ARID1B: variants seen among roughly 807,000 people sequenced by gnomAD.
ARID1B encodes AT-rich interactive domain-containing protein 1B.
In ARID1B, 30 loss-of-function variants were observed where a neutral mutation model predicts 212.3. That is an observed-to-expected ratio of 0.14 (90% confidence interval 0.11 to 0.19). The LOEUF (loss-of-function observed/expected upper bound fraction) is 0.19. Ranked by LOEUF, ARID1B falls within the 10% of genes least tolerant of loss-of-function variation. The pLI is 1.00. For missense variants in ARID1B, 2,891 were observed against 3,204.0 expected (o/e 0.90, Z 2.36); for synonymous variants, 1,402 against 1,301.7 (o/e 1.08, Z -1.66).
intron 4 of ARID1B, among the ~76,000 whole-genome samples, chr6:157,045,029 A>G (rs188397643): frequency 6.6e-5 from 10 of 152,322 alleles, no homozygotes; most frequent in Admixed American, 5.2e-4. Context: ...ATTGATTTAA[A>G]CACTAGGGAT....
intron 4 of ARID1B, among the ~76,000 whole-genome samples, chr6:157,020,260 AGTTC>A (rs1562554015): frequency 6.6e-6 from 1 of 152,212 alleles, no homozygotes; most frequent in Non-Finnish European, 1.5e-5. Flanking sequence ...AAATGTAGTT[AGTTC>A]TTTATTCTTG....
chr6:157,203,647 A>AC lies in ARID1B; in HGVS notation c.5264-217dup. On this transcript the variant is annotated intron_variant, in intron 18 of 19. Transcript: ENST00000636930. This position sits in a 1 kb window ranked among gnomAD's most constrained non-coding sequence, Gnocchi z 4.4. The stretch of plus-strand genomic sequence containing the variant: ...CAGAAGCACTTTCGGCCCCTGCGTG[A>AC]CCAACAAAGCGAGATCTGAAACCAC... The AC allele has an allele frequency of 1.7e-6, 1 of 587,454 alleles. No individual in the cohort carries two copies. Among genetic ancestry groups the AC allele is most frequent in the Non-Finnish European group, 3.0e-6 (1 of 333,418 alleles). The allele number at this position is 587,454 out of a possible 1,614,324, so 36.4% of individuals were successfully genotyped here. A position where few individuals can be genotyped will look rare whatever the true frequency, so the allele number is the denominator to read the frequency against.
At chr6:156,937,077 T>G (rs969429987) in intron 4 of ARID1B, 1 of 149,904 alleles carries the variant, frequency 6.7e-6, no homozygotes. Context: ...CCTTTAGTAG[T>G]GTTAATGTAT....
chr6:156,947,390 A>G (rs1199280341), intron 4 of ARID1B, among the ~76,000 whole-genome samples: 2 of 152,194 alleles, frequency 1.3e-5, no homozygotes, highest in East Asian at 3.8e-4. Context: ...GGATATAGGT[A>G]TGTATGGCAT....
At chr6:156,843,556 C>T (rs1784040562) in intron 2 of ARID1B, among the ~76,000 whole-genome samples, 1 of 152,088 alleles carries the variant, frequency 6.6e-6, no homozygotes, top group Non-Finnish European at 1.5e-5. Flanking sequence ...GCTATGGTAA[C>T]ACCGAGGGGC....
intron 2 of ARID1B, chr6:156,870,160 G>A (rs1010014802): frequency 2.6e-5 from 4 of 152,326 alleles, no homozygotes; most frequent in Non-Finnish European, 4.4e-5. Flanking sequence ...CTTTGAAGAA[G>A]TAGGAGAGCC....
chr6:156,859,478 G>A (rs1785174720), intron 2 of ARID1B, among the ~76,000 whole-genome samples: 1 of 152,112 alleles, frequency 6.6e-6, no homozygotes, highest in Non-Finnish European at 1.5e-5. Context: ...CTTCCCTTAA[G>A]AGTTGGCATT....
intron 10 of ARID1B, 44 bp downstream of exon 10, chr6:157,174,161 A>G: frequency 6.4e-7 from 1 of 1,560,356 alleles, no homozygotes; most frequent in African/African-American, 1.4e-5. Flanking sequence ...CTGCCTAGCA[A>G]AAAGCTGCCA....
At chr6:157,013,212 C>G (rs144761099) in intron 4 of ARID1B, among the ~76,000 whole-genome samples, 1 of 152,358 alleles carries the variant, frequency 6.6e-6, no homozygotes, top group African/African-American at 2.4e-5. Flanking sequence ...TTTTGCCGCT[C>G]TAGTGCTGCC....
intron 4 of ARID1B, among the ~76,000 whole-genome samples, chr6:156,987,028 A>G (rs994395428): frequency 6.6e-6 from 1 of 151,960 alleles, no homozygotes; most frequent in African/African-American, 2.4e-5. Flanking sequence ...AAAATATAAA[A>G]AATTAGTCGG....
intron 16 of ARID1B, 129 bp from the exon 17 acceptor site, chr6:157,198,682 C>A (rs955439871): frequency 4.4e-6 from 3 of 684,654 alleles, no homozygotes; most frequent in African/African-American, 3.6e-5. Flanking sequence ...GGGCCTTTGT[C>A]GGAGGGGTGC....
At chr6:157,039,643 TTCTTTCCTTCC>T (rs1562569018) in intron 4 of ARID1B, among the ~76,000 whole-genome samples, 4 of 91,886 alleles carry the variant, frequency 4.4e-5, no homozygotes, top group Admixed American at 1.0e-4. Flanking sequence ...CCTTCCTTCC[TTCTTTCCTTCC>T]TTCCTTCCTT....
chr6:156,882,146 G>C (rs974455327), intron 2 of ARID1B, among the ~76,000 whole-genome samples: 29 of 152,066 alleles, frequency 1.9e-4, no homozygotes, highest in African/African-American at 6.8e-4. Context: ...GGTTGCAGCT[G>C]TTCAACAGAT....
rs535573322 is a variant in ARID1B at position 156,935,711 on chromosome 6, A to AT, written c.2247+140dup. ...AGACTTCAGGTTTATTTTGTGGTCA[A>AT]TTTTTCAAGGTTTACCTTTTAGGAG... On this transcript the variant is annotated intron_variant, in intron 4 of 19. Transcript: ENST00000636930. 5.5e-5 allele frequency: 43 copies of AT among 787,442 alleles called. No individual in the cohort carries two copies. The African/African-American group carries it at 6.9e-4, about 13-fold the overall frequency. 48.8% of individuals were successfully genotyped at this position (787,442 alleles called of 1,614,324 possible).
In ARID1B at chr6:157,084,732, C is replaced by G. The variant is rs2128462457; in HGVS notation, c.2318C>G (p.Ser773Cys). 1 of 1,614,190 alleles carries G rather than the reference C, an allele frequency of 6.2e-7. No individual in the cohort carries two copies. The highest frequency in any genetic ancestry group is 1.6e-4 in the Middle Eastern group (1 of 6,062). Residue 773 changes from serine to cysteine, a missense_variant, in exon 5 of 20, where the codon TCC (serine) becomes TGC (cysteine). This residue lies in a region of ARID1B where 1,643 missense variants were observed against 1,544.0 expected (regional missense o/e 1.06). Coordinates refer to ENST00000636930, the MANE Select transcript of ARID1B (RefSeq NM_001374828.1). ...EATLSSAVSA[S>C]GSTSSQGDQS... ...ACTTTGAGCTCAGCAGTCAGTGCAT[C>G]CGGGTCCACGAGCAGCCAAGGGGAT... is the stretch of plus-strand genomic sequence containing the variant.
intron 2 of ARID1B, among the ~76,000 whole-genome samples, chr6:156,880,671 C>T (rs149042106): frequency 6.9e-5 from 9 of 130,850 alleles, no homozygotes; most frequent in East Asian, 2.6e-4. Flanking sequence ...CCCCGGGAGG[C>T]GGAGGTTTCA....
chr6:157,057,850 G>C (rs563125396), intron 4 of ARID1B, among the ~76,000 whole-genome samples: 2 of 152,114 alleles, frequency 1.3e-5, no homozygotes, highest in Non-Finnish European at 2.9e-5. Context: ...ATTTCAGATA[G>C]GGTTGATGAT....
At chr6:157,125,270 A>G (rs889165912) in intron 6 of ARID1B, among the ~76,000 whole-genome samples, 6 of 152,212 alleles carry the variant, frequency 3.9e-5, no homozygotes, top group Admixed American at 2.0e-4. Context: ...AGGAAAACCA[A>G]TAAGCCTCGG....
intron 3 of ARID1B, among the ~76,000 whole-genome samples, chr6:156,931,274 C>T (rs567387989): frequency 3.3e-4 from 49 of 150,364 alleles, no homozygotes; most frequent in African/African-American, 1.2e-3. Flanking sequence ...GTGTCTTTGA[C>T]GTTTTGGTTA....
Sources: allele counts gnomAD v4.1 joint callset (sites outside exome capture counted in the v4.1 genomes callset), GRCh38; gene constraint gnomAD v4.1.1; regional missense constraint gnomAD v4.1.1; non-coding constraint Gnocchi (gnomAD v3.1); transcripts MANE v1.5; gene names NCBI Gene and HGNC (gene_info 2026-07-23, HGNC 2026-07-21).